The following MLXIPL variants were observed in gnomAD, a reference collection of about 807,000 sequenced individuals.
The protein encoded by MLXIPL is carbohydrate-responsive element-binding protein.
A neutral mutation model predicts 81.5 loss-of-function variants in MLXIPL; 49 were observed. The observed-to-expected ratio is 0.60, with a 90% CI of 0.48 to 0.76. The LOEUF (loss-of-function observed/expected upper bound fraction) is 0.76. Among genes scored for constraint, MLXIPL ranks in the 30% least tolerant of loss-of-function variants. MLXIPL has a pLI of 0.00. For synonymous variants in MLXIPL, 466 were observed against 485.5 expected, an observed-to-expected ratio of 0.96 and a Z score of 0.53; for missense variants, 1,053 against 1,167.0, an observed-to-expected ratio of 0.90 and a Z score of 1.42.
the MLXIPL span, among the ~76,000 whole-genome samples, chr7:73,638,242 G>A: frequency 6.6e-6 from 1 of 152,172 alleles, no homozygotes; most frequent in African/African-American, 2.4e-5. Context: ...ACTGATGAGG[G>A]AACAGGCTCA....
At chr7:73,602,098 T>TG (rs1794883942) in intron 7 of MLXIPL, among the ~76,000 whole-genome samples, 4 of 104,088 alleles carry the variant, frequency 3.8e-5, no homozygotes, top group Non-Finnish European at 6.0e-5. Flanking sequence ...CTGCCTGCCT[T>TG]CCTGCCTGCC....
chr7:73,597,427 G>A lies in MLXIPL; in HGVS notation c.1358C>T (p.Ala453Val), dbSNP rs1794431569. 3 of 1,436,124 alleles carry A rather than the reference G, an allele frequency of 2.1e-6. No individual in the cohort carries two copies. The African/African-American group carries it at 4.3e-5, about 21-fold the overall frequency. 89.0% of individuals were successfully genotyped at this position (1,436,124 alleles called of 1,614,324 possible). A position where few individuals can be genotyped will look rare whatever the true frequency, so the allele number is the denominator to read the frequency against. ...APGVSPLPAPAAFPPTPQSVP... is the reference protein window; with the variant it reads ...APGVSPLPAPVAFPPTPQSVP... ...AGACTGTGGGGTGGGTGGGAAGGCT[G>A]CAGGAGCAGGCAGCGGAGACACTCC... Residue 453 changes from alanine to valine, a missense_variant, in exon 9 of 17, where the codon GCA becomes GTA. Ala to Val is a moderately conservative substitution (Grantham distance 64). Around this residue, in one of 3 missense-constraint regions of MLXIPL, gnomAD observed 823 missense variants for 933.0 expected, o/e 0.88. Coordinates refer to ENST00000313375, the MANE Select transcript of MLXIPL (RefSeq NM_032951.3).
rs781888771 is a variant in MLXIPL, at chr7:73,623,166, C to G, written c.293+1034G>C. On this transcript the variant is annotated intron_variant, in intron 1 of 16. Transcript: ENST00000313375. This position sits in a 1 kb window ranked among gnomAD's most constrained non-coding sequence, Gnocchi z 5.7. Reference sequence around the variant, plus strand: ...CTGCGGTTGGGGGCAGGCAACACTCCCCTCACAGTCCCCACCCCAGCTCCT... The same window carrying G: ...CTGCGGTTGGGGGCAGGCAACACTCGCCTCACAGTCCCCACCCCAGCTCCT... Among the ~76,000 whole-genome samples, 5 of 152,186 alleles carry G rather than the reference C, an allele frequency of 3.3e-5. No homozygotes were observed. The highest frequency in any genetic ancestry group is 2.1e-4 in the South Asian group (1 of 4,834).
intron 7 of MLXIPL, among the ~76,000 whole-genome samples, chr7:73,604,299 C>T (rs996724268): frequency 2.0e-4 from 30 of 147,954 alleles, no homozygotes; most frequent in Admixed American, 1.6e-3. Flanking sequence ...GCACTGGGCA[C>T]GGTGGCACAC....
chr7:73,617,566 T>C (rs1224745377), intron 1 of MLXIPL, among the ~76,000 whole-genome samples: 1 of 151,554 alleles, frequency 6.6e-6, no homozygotes, highest in Non-Finnish European at 1.5e-5. Context: ...CAGGATGGGC[T>C]GGGCGCGGTA....
Position 73,596,351 on chromosome 7 carries a change from G to A in MLXIPL, c.1938+13C>T. 2.5e-6 allele frequency: 4 copies of A among 1,613,026 alleles called. No homozygotes were observed. Among genetic ancestry groups the A allele is most frequent in the African/African-American group, 1.3e-5 (1 of 74,888 alleles). On this transcript the variant is annotated intron_variant, in intron 12 of 16. Coordinates refer to ENST00000313375, the MANE Select transcript of MLXIPL (RefSeq NM_032951.3). This position sits in a 1 kb window ranked among gnomAD's most constrained non-coding sequence, Gnocchi z 4.7. ...GGTAGCAAACCGATCTTGGGGTGGGGGATGGTGCCCACCTTGTTGCTGTCT... is the reference window on the plus strand; with the variant it reads ...GGTAGCAAACCGATCTTGGGGTGGGAGATGGTGCCCACCTTGTTGCTGTCT...
the MLXIPL span, among the ~76,000 whole-genome samples, chr7:73,636,307 GGCT>G: frequency 6.6e-6 from 1 of 151,996 alleles, no homozygotes; most frequent in East Asian, 1.9e-4. Context: ...CTACTCAGGA[GGCT>G]GAGGCACAAG....
the MLXIPL span, among the ~76,000 whole-genome samples, chr7:73,637,063 A>T: frequency 1.3e-5 from 2 of 151,974 alleles, no homozygotes; most frequent in Admixed American, 1.3e-4. Flanking sequence ...CCATCTCAAA[A>T]AAAAAAAAAG....
At chr7:73,631,671 T>A in the MLXIPL span, among the ~76,000 whole-genome samples, 4 of 142,720 alleles carry the variant, frequency 2.8e-5, no homozygotes, top group Admixed American at 7.5e-5. Context: ...CCACTCAAAG[T>A]ACTGGGATTA....
chr7:73,602,431 G>C (rs1474638473), intron 7 of MLXIPL, among the ~76,000 whole-genome samples: 1 of 151,184 alleles, frequency 6.6e-6, no homozygotes, highest in Non-Finnish European at 1.5e-5. Flanking sequence ...AGCACTTTGA[G>C]AGGCTGAGGT....
the MLXIPL span, among the ~76,000 whole-genome samples, chr7:73,638,923 G>C: frequency 5.9e-4 from 89 of 152,104 alleles, 1 homozygote; most frequent in African/African-American, 2.1e-3. Flanking sequence ...GCTCATTTAA[G>C]TCTTTCATTC....
At chr7:73,647,073 C>T in the MLXIPL span, among the ~76,000 whole-genome samples, 2 of 152,268 alleles carry the variant, frequency 1.3e-5, no homozygotes, top group South Asian at 2.1e-4. Context: ...GACGGAAAGT[C>T]GTGCGCCCAA....
At chr7:73,639,375 A>T in the MLXIPL span, among the ~76,000 whole-genome samples, 1 of 152,262 alleles carries the variant, frequency 6.6e-6, no homozygotes, top group African/African-American at 2.4e-5. Context: ...AAGATGAACA[A>T]AGATATTCCT....
rs202062025 is a variant in MLXIPL at position 73,597,167 on chromosome 7, G to A, written c.1603+15C>T. The stretch of plus-strand genomic sequence containing the variant: ...TCCCTCCCCAGGCTTTCCTCTCCCC[G>A]TTGCTGGCCCTCACCTGCTGTGAGC... On this transcript the variant is annotated intron_variant, in intron 9 of 16. Transcript: ENST00000313375. 191 of 1,578,230 alleles carry A rather than the reference G, an allele frequency of 1.2e-4. No homozygotes were observed. The East Asian group carries it at 3.4e-3, about 28-fold the overall frequency.
chr7:73,638,891 G>A, the MLXIPL span, among the ~76,000 whole-genome samples: 5 of 151,960 alleles, frequency 3.3e-5, no homozygotes, highest in South Asian at 2.1e-4. Context: ...CTGGGATTTC[G>A]GGCATGAGCC....
the MLXIPL span, among the ~76,000 whole-genome samples, chr7:73,640,402 CAAA>C: frequency 1.2e-5 from 1 of 82,246 alleles, no homozygotes; most frequent in African/African-American, 4.7e-5. Flanking sequence ...ACCCTGTCTC[CAAA>C]AAAAAAAAAA....
upstream of MLXIPL, among the ~76,000 whole-genome samples, chr7:73,628,641 G>C (rs1554604115): frequency 6.6e-6 from 1 of 152,172 alleles, no homozygotes; most frequent in Non-Finnish European, 1.5e-5. Flanking sequence ...GATTAGAAGT[G>C]TGAGCCACTT....
At position 73,624,415 on chromosome 7, in the gene MLXIPL, G is replaced by T; in HGVS notation, c.78C>A (p.Asp26Glu). Residue 26 changes from aspartate (D) to glutamate (E), a missense_variant, in exon 1 of 17, where the codon GAC becomes GAA. Asp to Glu is a conservative substitution (Grantham distance 45, BLOSUM62 2). This residue lies in a region of MLXIPL where 226 missense variants were observed against 216.2 expected (regional missense o/e 1.05). Transcript: ENST00000313375. ...RVAPSPDSDS[D>E]TDSEDPSLRR... ...GGAGACTCGGGTCCTCCGAGTCTGT[G>T]TCCGAGTCCGAGTCTGGGCTGGGCG... is the stretch of plus-strand genomic sequence containing the variant. The T allele has an allele frequency of 6.4e-7, 1 of 1,564,644 alleles. No individual in the cohort carries two copies.
chr7:73,622,967 T>A (rs942170641), intron 1 of MLXIPL, among the ~76,000 whole-genome samples: 3 of 152,154 alleles, frequency 2.0e-5, no homozygotes, highest in African/African-American at 7.2e-5. Context: ...TTAGATGCCC[T>A]GTCCCAGGCA....
Sources: allele counts gnomAD v4.1 joint callset (sites outside exome capture counted in the v4.1 genomes callset), GRCh38; gene constraint gnomAD v4.1.1; regional missense constraint gnomAD v4.1.1; non-coding constraint Gnocchi (gnomAD v3.1); transcripts MANE v1.5; gene names NCBI Gene and HGNC (gene_info 2026-07-23, HGNC 2026-07-21).